PI16: variants seen among roughly 807,000 people sequenced by gnomAD.
The protein encoded by PI16 is PSP94-binding protein.
A neutral mutation model predicts 38.0 loss-of-function variants in PI16; 35 were observed. That is an observed-to-expected ratio of 0.92 (90% CI 0.70 to 1.22). PI16 has a LOEUF of 1.22. Ranked by LOEUF, PI16 falls within the 50% of genes most tolerant of loss-of-function variation. The probability of loss-of-function intolerance (pLI) is 0.00; values close to 1 mark genes in which losing one functional copy is unlikely to be tolerated. For missense variants in PI16, 572 were observed against 593.8 expected (o/e 0.96, Z 0.38); for synonymous variants, 275 against 252.9 (o/e 1.09, Z -0.83).
intron 2 of PI16, among the ~76,000 whole-genome samples, chr6:36,959,747 C>T (rs1278100319): frequency 3.3e-5 from 5 of 151,830 alleles, no homozygotes; most frequent in Non-Finnish European, 5.9e-5. Context: ...CGCGGTGGCG[C>T]GCGCCAGCTG....
At position 36,964,730 on chromosome 6, in the gene PI16, TGAA is replaced by T. The variant is rs923222892; in HGVS notation, c.*365_*367del. On this transcript the variant is annotated 3_prime_UTR_variant, in exon 7 of 7. Coordinates refer to ENST00000373674, the MANE Select transcript of PI16 (RefSeq NM_153370.3). ...GGGGATGGGGATTCCTAGGGGCAGA[TGAA>T]GGACAAGCCCCACTGGAGTGGGGTT... 4 of 152,180 alleles carry T rather than the reference TGAA, an allele frequency of 2.6e-5. No homozygotes were observed. The highest frequency in any genetic ancestry group is 9.7e-5 in the African/African-American group (4 of 41,376). The allele number at this position is 152,180 out of a possible 1,614,324, so 9.4% of individuals were successfully genotyped here.
chr6:36,956,969 C>G (rs774855767), intron 1 of PI16, among the ~76,000 whole-genome samples: 1 of 152,192 alleles, frequency 6.6e-6, no homozygotes, highest in Non-Finnish European at 1.5e-5. Context: ...ACCCCTACCC[C>G]CTTCTCTTTT....
In PI16 at chr6:36,963,151, C is replaced by G; in HGVS notation, c.809C>G (p.Thr270Arg). The G allele has an allele frequency of 6.2e-7, 1 of 1,614,192 alleles. No homozygotes were observed. The highest frequency in any genetic ancestry group is 8.5e-7 in the Non-Finnish European group (1 of 1,180,014). The change falls in exon 5 of 7, where the codon ACG becomes AGG. Residue 270 changes from threonine (T) to arginine (R), a missense_variant. Transcript: ENST00000373674. Reference protein sequence around the residue: ...VETQAPTSLATKDPPSMATEA... With the variant: ...VETQAPTSLARKDPPSMATEA... ...ACCCAGGCCCCAACTTCCTTAGCAA[C>G]GAAAGACCCGCCCTCCATGGCAACA...
chr6:36,960,646 C>G (rs1053162833), intron 2 of PI16, among the ~76,000 whole-genome samples: 14 of 144,156 alleles, frequency 9.7e-5, no homozygotes, highest in Non-Finnish European at 1.8e-4. Context: ...CCCTCCACCC[C>G]CCCCCTCCCT....
At chr6:36,955,973 G>GC (rs1763194990) in intron 1 of PI16, among the ~76,000 whole-genome samples, 1 of 152,202 alleles carries the variant, frequency 6.6e-6, no homozygotes, top group Admixed American at 6.5e-5. Context: ...GGGACCCCTG[G>GC]AGCTGGTGCC....
chr6:36,959,085 T>C, intron 1 of PI16, 60 bp from the exon 2 acceptor site: 1 of 1,467,348 alleles, frequency 6.8e-7, no homozygotes, highest in Non-Finnish European at 9.3e-7. Context: ...CTCGACCTTT[T>C]GCTTGGTCCC....
At chr6:36,959,855 G>C (rs1763309503) in intron 2 of PI16, among the ~76,000 whole-genome samples, 1 of 145,688 alleles carries the variant, frequency 6.9e-6, no homozygotes, top group African/African-American at 2.5e-5. Context: ...GCGACAGAGG[G>C]AGGCCCTGTC....
upstream of PI16, chr6:36,954,683 G>A: frequency 1.3e-6 from 2 of 1,528,830 alleles, no homozygotes; most frequent in South Asian, 2.6e-5. Context: ...ACCCCAGCCA[G>A]GGTGGTGCTT....
chr6:36,962,840 G>T lies in PI16; in HGVS notation c.593-95G>T, dbSNP rs1561898225. ...TGTATGTGTGTGTTTGTGTGTCCTG[G>T]TAGGACATTTGGTCGCGTCACTTGG... On this transcript the variant is annotated intron_variant, in intron 4 of 6. Coordinates refer to ENST00000373674, the MANE Select transcript of PI16 (RefSeq NM_153370.3). The surrounding 1 kb of genome is among the most constrained non-coding windows in gnomAD (Gnocchi z 4.1). The T allele has an allele frequency of 9.7e-7, 1 of 1,031,440 alleles. No individual in the cohort carries two copies. 63.9% of individuals were successfully genotyped at this position (1,031,440 alleles called of 1,614,324 possible).
chr6:36,951,639 C>T (rs1253745956), upstream of PI16, among the ~76,000 whole-genome samples: 1 of 152,160 alleles, frequency 6.6e-6, no homozygotes, highest in Non-Finnish European at 1.5e-5. Context: ...TGGTTCATGC[C>T]TGTAATCTCA....
At chr6:36,964,318 C>A (rs1429947928) in intron 6 of PI16, 68 bp from the exon 7 acceptor site, 5 of 187,302 alleles carry the variant, frequency 2.7e-5, no homozygotes, top group South Asian at 1.2e-4. Context: ...CCCTCCCAGT[C>A]CCCTGGCCTC....
chr6:36,952,181 A>G (rs1292794705), upstream of PI16, among the ~76,000 whole-genome samples: 2 of 151,812 alleles, frequency 1.3e-5, no homozygotes, highest in African/African-American at 4.8e-5. Context: ...TTTAGTAGAG[A>G]CGGGGTTTCA....
At chr6:36,954,332 T>C (rs1438779750), upstream of PI16, 3 of 156,322 alleles carry the variant, frequency 1.9e-5, no homozygotes, top group Admixed American at 6.5e-5. Flanking sequence ...TCTTCCTCTG[T>C]CCTTTCAAAA....
At position 36,963,822 on chromosome 6, in the gene PI16, G is replaced by A. The variant is rs149672013; in HGVS notation, c.1271-1G>A. The A allele has an allele frequency of 9.6e-4, 1,517 of 1,585,840 alleles. 1 individual carries two copies. The highest frequency in any genetic ancestry group is 1.5e-3 in the South Asian group (126 of 86,842). ...GAGGCAAAGCCTCTTTCTTCCCACA[G>A]GTGCAGAGGGCCCTGACAAGCCTAG... On this transcript the variant is annotated splice_acceptor_variant, in intron 5 of 6. Transcript: ENST00000373674. LOFTEE classifies it high-confidence loss of function.
rs116013340 is a variant in PI16, at chr6:36,960,771, G to A, written c.394-680G>A. ...CTGAGGGTGCATGCACTCTGGAGTC[G>A]TTTCTGCCCAGAAGGTGCTCAACAC... On this transcript the variant is annotated intron_variant, in intron 2 of 6. Coordinates refer to ENST00000373674, the MANE Select transcript of PI16 (RefSeq NM_153370.3). 2.1e-3 allele frequency among the ~76,000 whole-genome samples: 314 copies of A among 151,996 alleles called. 2 individuals are homozygous for A. The highest frequency in any genetic ancestry group is 7.0e-3 in the African/African-American group (290 of 41,446).
rs773403097 is a variant in PI16, at chr6:36,962,938, C to G, written c.596C>G (p.Pro199Arg). The G allele has an allele frequency of 1.2e-6, 2 of 1,610,976 alleles. No individual in the cohort carries two copies. Among genetic ancestry groups the G allele is most frequent in the African/African-American group, 2.7e-5 (2 of 74,824 alleles). Residue 199 changes from proline (P) to arginine (R), a missense_variant, in exon 5 of 7, where the codon CCC becomes CGC. By Grantham distance (103) the Pro-to-Arg change is moderately radical. Coordinates refer to ENST00000373674, the MANE Select transcript of PI16 (RefSeq NM_153370.3). The surrounding 1 kb of genome is among the most constrained non-coding windows in gnomAD (Gnocchi z 4.1). ...GYHCKNSLCE[P>R]IGSPEDAQDL... Reference sequence around the variant, plus strand: ...CCGTTCTCGTCTGTCTTATCAGAACCCATCGGAAGCCCGGAAGATGCTCAG... The same window carrying G: ...CCGTTCTCGTCTGTCTTATCAGAACGCATCGGAAGCCCGGAAGATGCTCAG...
At chr6:36,948,880 C>T (rs141651119) in intron 1 of PI16, among the ~76,000 whole-genome samples, 6,914 of 151,746 alleles carry the variant, frequency 0.046, 510 homozygotes, top group African/African-American at 0.16. Context: ...CTGCAACCTC[C>T]GCCTCCTGGG....
At chr6:36,963,640 T>C (rs1312189629) in intron 5 of PI16, 28 bp downstream of exon 5, 10 of 1,600,982 alleles carry the variant, frequency 6.2e-6, no homozygotes, top group Non-Finnish European at 8.5e-6. Context: ...TGTCCCACTT[T>C]CCTCCTGGCT....
chr6:36,957,704 C>T (rs1561894972), intron 1 of PI16, among the ~76,000 whole-genome samples: 1 of 152,194 alleles, frequency 6.6e-6, no homozygotes, highest in Non-Finnish European at 1.5e-5. Flanking sequence ...CTCCAGATAT[C>T]TAGTCAGAAT....
Sources: gnomAD v4.1 joint callset for allele counts (sites outside exome capture counted in the v4.1 genomes callset) on GRCh38, gnomAD v4.1.1 for gene constraint, Gnocchi (gnomAD v3.1) non-coding constraint, MANE v1.5 for transcripts, NCBI Gene and HGNC (gene_info 2026-07-23, HGNC 2026-07-21) for gene names.